The following VAV3 variants were observed in gnomAD, a reference collection of about 807,000 sequenced individuals.
VAV3 encodes vav guanine nucleotide exchange factor 3.
VAV3 carries 94 observed loss-of-function variants against 131.2 expected under a neutral mutation model. The ratio of observed to expected loss-of-function variants is 0.72; its 90% CI spans 0.61 to 0.85. The LOEUF (loss-of-function observed/expected upper bound fraction) is 0.85, where lower values mean the gene tolerates loss of function less well. Ranked by LOEUF, VAV3 falls within the 40% of genes least tolerant of loss-of-function variation. The pLI is 0.00. For synonymous variants in VAV3, 349 were observed against 342.0 expected, an observed-to-expected ratio of 1.02 and a Z score of -0.22; for missense variants, 939 against 1,002.7, an observed-to-expected ratio of 0.94 and a Z score of 0.86.
At chr1:107,887,103 C>T (rs992151841) in intron 1 of VAV3, among the ~76,000 whole-genome samples, 2 of 152,196 alleles carry the variant, frequency 1.3e-5, no homozygotes, top group African/African-American at 4.8e-5. Flanking sequence ...AGAACTTCTC[C>T]ATGGTTTGCT....
intron 15 of VAV3, among the ~76,000 whole-genome samples, chr1:107,737,841 A>C (rs554394032): frequency 3.9e-5 from 6 of 152,306 alleles, no homozygotes; most frequent in Non-Finnish European, 5.9e-5. Context: ...TTGACCCAGC[A>C]ATCCCATTAC....
intron 1 of VAV3, among the ~76,000 whole-genome samples, chr1:107,927,086 T>C (rs1014545445): frequency 5.9e-5 from 9 of 152,152 alleles, no homozygotes; most frequent in Admixed American, 2.6e-4. Flanking sequence ...AAGACGACCT[T>C]GTCTTGCATC....
rs572675887 is a variant in VAV3, at chr1:107,758,593, A to G, written c.1018-1264T>C. On this transcript the variant is annotated intron_variant, in intron 10 of 26. Coordinates refer to ENST00000370056, the MANE Select transcript of VAV3 (RefSeq NM_006113.5). The stretch of plus-strand genomic sequence containing the variant: ...AAAAACAACAAAACCAGGTAATCAT[A>G]ATGAGCTTCTGATCGGCCTTCTGAC... Among the ~76,000 whole-genome samples the G allele has an allele frequency of 7.2e-5, 11 of 152,132 alleles. No individual in the cohort carries two copies. The East Asian group carries it at 2.1e-3, about 29-fold the overall frequency.
chr1:107,914,005 G>C (rs1269121158), intron 1 of VAV3, among the ~76,000 whole-genome samples: 1 of 152,152 alleles, frequency 6.6e-6, no homozygotes, highest in East Asian at 1.9e-4. Context: ...ATGTTGGCCA[G>C]GCAGGTCTCA....
intron 2 of VAV3, among the ~76,000 whole-genome samples, chr1:107,855,377 A>AGGT (rs1308630844): frequency 6.6e-6 from 1 of 152,122 alleles, no homozygotes; most frequent in Non-Finnish European, 1.5e-5. Flanking sequence ...CCTGGATTCA[A>AGGT]GCGATCCTCC....
rs566074785 is a variant in VAV3, at chr1:107,739,484, G to A, written c.1502+9484C>T. 2.0e-5 allele frequency among the ~76,000 whole-genome samples: 3 copies of A among 152,124 alleles called. No individual in the cohort carries two copies. In the South Asian group the frequency reaches 6.2e-4, roughly 31 times the overall value. ...GAGAGTTGAGCTGGCTTCAACTTGGGAGATTAATGTGAATAGGTCAGCACC... is the reference window on the plus strand; with the variant it reads ...GAGAGTTGAGCTGGCTTCAACTTGGAAGATTAATGTGAATAGGTCAGCACC... On this transcript the variant is annotated intron_variant, in intron 15 of 26. Transcript: ENST00000370056.
At chr1:107,675,165 G>T (rs1168906460) in intron 19 of VAV3, among the ~76,000 whole-genome samples, 1 of 152,188 alleles carries the variant, frequency 6.6e-6, no homozygotes, top group Non-Finnish European at 1.5e-5. Flanking sequence ...GATAACACAT[G>T]TGTGTCGTTT....
chr1:107,721,628 C>A (rs1346206315), intron 15 of VAV3, among the ~76,000 whole-genome samples: 1 of 152,066 alleles, frequency 6.6e-6, no homozygotes, highest in Non-Finnish European at 1.5e-5. Context: ...TAGAAACAGG[C>A]CCAGAAGTTT....
At chr1:107,668,904 A>C in intron 19 of VAV3, 1 of 986,506 alleles carries the variant, frequency 1.0e-6, no homozygotes, top group Non-Finnish European at 1.2e-6. Context: ...GCATGCTGTA[A>C]CAGTTAGTTC....
intron 2 of VAV3, among the ~76,000 whole-genome samples, chr1:107,799,253 C>T (rs932862784): frequency 2.0e-5 from 3 of 151,196 alleles, no homozygotes; most frequent in Non-Finnish European, 4.4e-5. Context: ...TTGTAAGAAG[C>T]TTCCTAATTC....
Position 107,574,070 on chromosome 1 carries a change from AC to A in VAV3, c.2478del (p.Trp826CysfsTer6). 1 of 1,614,090 alleles carries A rather than the reference AC, an allele frequency of 6.2e-7. No homozygotes were observed. Among genetic ancestry groups the A allele is most frequent in the Non-Finnish European group, 8.5e-7 (1 of 1,180,008 alleles). On this transcript the variant is annotated frameshift_variant, in exon 26 of 27. Coordinates refer to ENST00000370056, the MANE Select transcript of VAV3 (RefSeq NM_006113.5). LOFTEE classifies it high-confidence loss of function. ...KIYTKMSANG[W>X]WRGEVNGRVG... ...ACCCTGCCATTTACTTCTCCTCTCC[AC>A]CAGCCATTTGCACTCATCTTTGTGT...
intron 1 of VAV3, among the ~76,000 whole-genome samples, chr1:107,916,769 A>G (rs990910106): frequency 6.6e-5 from 10 of 152,208 alleles, no homozygotes; most frequent in African/African-American, 2.2e-4. Context: ...CTACCTTACA[A>G]GGCAGTGAGT....
At chr1:107,929,568 C>A (rs900639888) in intron 1 of VAV3, among the ~76,000 whole-genome samples, 2 of 151,984 alleles carry the variant, frequency 1.3e-5, no homozygotes, top group Admixed American at 1.3e-4. Context: ...TAAGTAAACT[C>A]CCCTAAGTAG....
intron 15 of VAV3, among the ~76,000 whole-genome samples, chr1:107,710,151 A>G (rs1204652105): frequency 6.6e-6 from 1 of 152,230 alleles, no homozygotes; most frequent in African/African-American, 2.4e-5. Context: ...AATCCTAGCA[A>G]GATGAAATCA....
intron 2 of VAV3, among the ~76,000 whole-genome samples, chr1:107,805,636 T>C (rs1667024777): frequency 3.3e-5 from 5 of 152,188 alleles, no homozygotes; most frequent in Admixed American, 3.3e-4. Context: ...AGCTCACATA[T>C]TGCTGTTTCA....
chr1:107,917,891 A>G (rs1672698128), intron 1 of VAV3, among the ~76,000 whole-genome samples: 1 of 152,142 alleles, frequency 6.6e-6, no homozygotes, highest in Non-Finnish European at 1.5e-5. Flanking sequence ...GAAGTTTCAG[A>G]TTTTGGAGTA....
chr1:107,585,869 T>G lies in VAV3; in HGVS notation c.2350+10343A>C, dbSNP rs557573359. ...TAGTTACAGTTTCAGCATCCTGCTCTATGTATTGACAGGATATTTATGCAA... is the reference window on the plus strand; with the variant it reads ...TAGTTACAGTTTCAGCATCCTGCTCGATGTATTGACAGGATATTTATGCAA... On this transcript the variant is annotated intron_variant, in intron 25 of 26. Coordinates refer to ENST00000370056, the MANE Select transcript of VAV3 (RefSeq NM_006113.5). Among the ~76,000 whole-genome samples, 5 of 152,340 alleles carry G rather than the reference T, an allele frequency of 3.3e-5. No individual in the cohort carries two copies. In the East Asian group the frequency reaches 7.7e-4, roughly 24 times the overall value.
intron 1 of VAV3, among the ~76,000 whole-genome samples, chr1:107,925,730 G>C (rs1673117606): frequency 6.6e-6 from 1 of 151,944 alleles, no homozygotes; most frequent in Non-Finnish European, 1.5e-5. Context: ...TTTACATTTG[G>C]GAAGATGAGC....
intron 22 of VAV3, among the ~76,000 whole-genome samples, chr1:107,607,753 A>G (rs916147649): frequency 6.6e-6 from 1 of 152,216 alleles, no homozygotes; most frequent in African/African-American, 2.4e-5. Flanking sequence ...ATTGAAGACA[A>G]TCATCTTAAT....
Sources: gnomAD v4.1 joint callset for allele counts (sites outside exome capture counted in the v4.1 genomes callset) on GRCh38, gnomAD v4.1.1 for gene constraint, MANE v1.5 for transcripts, NCBI Gene and HGNC (gene_info 2026-07-23, HGNC 2026-07-21) for gene names.